Variants in SHCBP1L observed in about 807,000 individuals in gnomAD.
SHCBP1L encodes the protein testicular spindle-associated protein SHCBP1L.
A neutral mutation model predicts 62.5 loss-of-function variants in SHCBP1L; 67 were observed. The observed-to-expected ratio is 1.07, with a 90% confidence interval of 0.88 to 1.31. The LOEUF is 1.31. Among genes scored for constraint, SHCBP1L ranks in the 40% most tolerant of loss-of-function variants. The probability of loss-of-function intolerance (pLI) is 0.00; values close to 1 mark genes in which losing one functional copy is unlikely to be tolerated. For synonymous variants in SHCBP1L, 284 were observed against 289.4 expected (o/e 0.98, Z 0.19); for missense variants, 823 against 809.8 (o/e 1.02, Z -0.20).
intron 6 of SHCBP1L, among the ~76,000 whole-genome samples, chr1:182,907,181 C>T (rs1650039627): frequency 6.6e-6 from 1 of 151,498 alleles, no homozygotes; most frequent in Admixed American, 6.6e-5. Flanking sequence ...ACCTGTAATC[C>T]CAGCATTTTG....
At chr1:182,924,080 A>G (rs1041498994) in intron 6 of SHCBP1L, among the ~76,000 whole-genome samples, 50 of 152,154 alleles carry the variant, frequency 3.3e-4, no homozygotes, top group African/African-American at 1.2e-3. Context: ...TAGCATTTCT[A>G]TACACCAACA....
At chr1:182,952,700 C>T (rs962490591) in intron 1 of SHCBP1L, 29 bp downstream of exon 1, 3 of 1,567,752 alleles carry the variant, frequency 1.9e-6, no homozygotes, top group Non-Finnish European at 2.6e-6. Context: ...AGCTTCCGAC[C>T]GTAGTCTTCC....
intron 7 of SHCBP1L, among the ~76,000 whole-genome samples, chr1:182,905,007 A>G (rs1649968250): frequency 6.6e-6 from 1 of 152,188 alleles, no homozygotes; most frequent in Admixed American, 6.5e-5. Flanking sequence ...TCAGCCTTCC[A>G]AAGTGCTGGG....
chr1:182,912,780 C>CA (rs1281997641), intron 6 of SHCBP1L, among the ~76,000 whole-genome samples: 1 of 151,834 alleles, frequency 6.6e-6, no homozygotes. Context: ...GCCTCGGCCT[C>CA]CCAAAGTGCT....
At position 182,951,325 on chromosome 1, in the gene SHCBP1L, A is replaced by C. The variant is rs1651737727; in HGVS notation, c.548T>G (p.Leu183Trp). The C allele has an allele frequency of 6.4e-7, 1 of 1,566,972 alleles. No individual in the cohort carries two copies. The highest frequency in any genetic ancestry group is 8.6e-7 in the Non-Finnish European group (1 of 1,159,074). The change falls in exon 2 of 10, where the codon TTG becomes TGG. Residue 183 changes from leucine to tryptophan, a missense_variant. By Grantham distance (61) the Leu-to-Trp change is moderately conservative (BLOSUM62 -2). Coordinates refer to ENST00000367547, the MANE Select transcript of SHCBP1L (RefSeq NM_030933.4). ...CAAATAAAATTTATTTACCTCAACC[A>C]ATATACCAACAAAAGGGATAGAAGC... ...EEASIPFVGI[L>W]VEVTCEPYQD...
chr1:182,921,095 G>A (rs544012741), intron 6 of SHCBP1L, among the ~76,000 whole-genome samples: 17 of 152,200 alleles, frequency 1.1e-4, no homozygotes. Flanking sequence ...AGGTCAACGT[G>A]AAAGAAAAAA....
chr1:182,911,896 G>A (rs181855256), intron 6 of SHCBP1L, among the ~76,000 whole-genome samples: 7 of 152,310 alleles, frequency 4.6e-5, no homozygotes, highest in Non-Finnish European at 7.3e-5. Flanking sequence ...ATACTTATTA[G>A]GAAGTGTCAG....
At chr1:182,936,116 C>CTTTTTTG (rs1558001385) in intron 5 of SHCBP1L, among the ~76,000 whole-genome samples, 1 of 129,284 alleles carries the variant, frequency 7.7e-6, no homozygotes, top group Non-Finnish European at 1.7e-5. Flanking sequence ...GTTTTGGTTG[C>CTTTTTTG]TTTTTTGTTT....
Position 182,906,232 on chromosome 1 carries a change from G to A in SHCBP1L, c.1183-583C>T, listed in dbSNP as rs995318675. ...ATTACAGGCATAAGCCACCGTGCCC[G>A]GCAACGTAAGTATTATTACCCCCGC... On this transcript the variant is annotated intron_variant, in intron 6 of 9. Coordinates refer to ENST00000367547, the MANE Select transcript of SHCBP1L (RefSeq NM_030933.4). Among the ~76,000 whole-genome samples the A allele has an allele frequency of 5.3e-5, 8 of 151,760 alleles. No individual in the cohort carries two copies. The East Asian group carries it at 5.8e-4, about 11-fold the overall frequency.
rs796124836 is a variant in SHCBP1L at position 182,900,958 on chromosome 1, C to A, written c.1711-724G>T. ...CAGTTATTGATAAAAACAACTAATT[C>A]TGTATGGCAATACAACCCATGAAGC... On this transcript the variant is annotated intron_variant, in intron 9 of 9. Coordinates refer to ENST00000367547, the MANE Select transcript of SHCBP1L (RefSeq NM_030933.4). Among the ~76,000 whole-genome samples, 55 of 152,308 alleles carry A rather than the reference C, an allele frequency of 3.6e-4. 1 individual carries two copies. The highest frequency in any genetic ancestry group is 1.3e-3 in the African/African-American group (53 of 41,568).
At chr1:182,917,942 T>G (rs868742976) in intron 6 of SHCBP1L, among the ~76,000 whole-genome samples, 1 of 151,906 alleles carries the variant, frequency 6.6e-6, no homozygotes, top group Middle Eastern at 3.4e-3. Context: ...CTGTTCAACA[T>G]TGAACCAGAC....
intron 5 of SHCBP1L, among the ~76,000 whole-genome samples, chr1:182,937,006 A>T (rs573755408): frequency 9.2e-5 from 14 of 152,250 alleles, no homozygotes; most frequent in African/African-American, 3.4e-4. Context: ...GTGAGCCATG[A>T]TCACGTCACT....
At chr1:182,952,456 T>C (rs1397940009) in intron 1 of SHCBP1L, 2 of 413,182 alleles carry the variant, frequency 4.8e-6, no homozygotes, top group Non-Finnish European at 8.5e-6. Context: ...TATATCTTCA[T>C]TTTTTAGGAG....
In SHCBP1L at chr1:182,900,760, G is replaced by A. The variant is rs112935806; in HGVS notation, c.1711-526C>T. Among the ~76,000 whole-genome samples, 1,487 of 152,190 alleles carry A rather than the reference G, an allele frequency of 9.8e-3. 8 individuals carry two copies. The highest frequency in any genetic ancestry group is 0.015 in the Non-Finnish European group (1,019 of 68,012). On this transcript the variant is annotated intron_variant, in intron 9 of 9. Transcript: ENST00000367547. ...ACAAAATATTAAATGAGCCAGGTGC[G>A]GTGGCTCATGCCCTGTAATCCCAGC...
chr1:182,929,714 C>T lies in SHCBP1L; in HGVS notation c.1115G>A (p.Arg372Lys), dbSNP rs1650897863. 6.3e-7 allele frequency: 1 copy of T among 1,592,706 alleles called. No homozygotes were observed. Among genetic ancestry groups the T allele is most frequent in the African/African-American group, 1.4e-5 (1 of 73,306 alleles). The part of the protein sequence containing the change: ...GPFFPRILRR[R>K]KGKREFGKTI... ...CTTTCCAAATTCTCTTTTTCCTTTC[C>T]TACGCCTCAGAATTCTTGGAAAGAA... Residue 372 changes from arginine (R) to lysine (K), a missense_variant, in exon 6 of 10, where the codon AGG becomes AAG. Transcript: ENST00000367547.
intron 9 of SHCBP1L, among the ~76,000 whole-genome samples, chr1:182,900,494 A>G (rs1649797250): frequency 6.6e-6 from 1 of 152,136 alleles, no homozygotes; most frequent in African/African-American, 2.4e-5. Flanking sequence ...GTGCAATGAC[A>G]CAGTCTTGGC....
At chr1:182,930,321 TTTTC>T (rs1349961522) in intron 5 of SHCBP1L, among the ~76,000 whole-genome samples, 2 of 151,978 alleles carry the variant, frequency 1.3e-5, no homozygotes, top group Non-Finnish European at 1.5e-5. Flanking sequence ...TTCTTCCTGC[TTTTC>T]TTTATGTTTC....
intron 6 of SHCBP1L, among the ~76,000 whole-genome samples, chr1:182,919,161 G>A (rs927843089): frequency 6.6e-6 from 1 of 152,212 alleles, no homozygotes; most frequent in Non-Finnish European, 1.5e-5. Context: ...TAGTCTATCT[G>A]TGCTGCTGTA....
chr1:182,939,307 G>A lies in SHCBP1L; in HGVS notation c.945C>T (p.Val315=), dbSNP rs149515064. 1.2e-5 allele frequency: 19 copies of A among 1,613,728 alleles called. No individual in the cohort carries two copies. Among genetic ancestry groups the A allele is most frequent in the Non-Finnish European group, 1.5e-5 (18 of 1,179,912 alleles). Residue 315 remains valine, a synonymous_variant, in exon 5 of 10, where the codon GTC becomes GTT. Transcript: ENST00000367547. ...TATTGCTCTGATACTCAATGAGCTC[G>A]ACACGTTTGTTTTTATATTTCTCCA... ...KTLEKYKNKR[V]ELIEYQSNIK...
Sources: gnomAD v4.1 joint callset for allele counts (sites outside exome capture counted in the v4.1 genomes callset) on GRCh38, gnomAD v4.1.1 for gene constraint, MANE v1.5 for transcripts, NCBI Gene and HGNC (gene_info 2026-07-23, HGNC 2026-07-21) for gene names.